SCN1A: variants seen among roughly 807,000 people sequenced by gnomAD.
SCN1A encodes the protein sodium channel protein type 1 subunit alpha.
SCN1A carries 13 observed loss-of-function variants against 193.7 expected under a neutral mutation model. The ratio of observed to expected loss-of-function variants is 0.07; its 90% CI spans 0.04 to 0.11. The LOEUF is 0.11. Ranked by LOEUF, SCN1A falls within the 10% of genes least tolerant of loss-of-function variation. SCN1A has a pLI of 1.00. For synonymous variants in SCN1A, 781 were observed against 843.6 expected, an observed-to-expected ratio of 0.93 and a Z score of 1.29; for missense variants, 1,432 against 2,451.1, an observed-to-expected ratio of 0.58 and a Z score of 8.78.
intron 1 of SCN1A, among the ~76,000 whole-genome samples, chr2:166,144,857 T>G (rs1574654966): frequency 6.6e-6 from 1 of 151,430 alleles, no homozygotes; most frequent in Non-Finnish European, 1.5e-5. Context: ...ATCATGGTTT[T>G]TTTTTTTTTT....
intron 2 of SCN1A, among the ~76,000 whole-genome samples, chr2:166,125,461 C>A (rs1157933051): frequency 1.3e-5 from 2 of 152,192 alleles, no homozygotes; most frequent in East Asian, 1.9e-4. Flanking sequence ...CCGACATAAA[C>A]CCTTGAGAAA....
At chr2:166,128,916 A>G (rs1691514890), upstream of SCN1A, among the ~76,000 whole-genome samples, 2 of 152,154 alleles carry the variant, frequency 1.3e-5, no homozygotes, top group Admixed American at 6.5e-5. Context: ...TATATATTGT[A>G]TTCTAAAATG....
At chr2:166,102,907 G>A (rs967311308) in intron 2 of SCN1A, among the ~76,000 whole-genome samples, 2 of 152,068 alleles carry the variant, frequency 1.3e-5, no homozygotes, top group Non-Finnish European at 2.9e-5. Context: ...AGCAACATGG[G>A]TGCTTCAGAG....
chr2:165,989,028 CTGTGTGTGTGTGTGTGTG>C lies in SCN1A; in HGVS notation c.*2199_*2216del, dbSNP rs140461403. 1 of 103,860 alleles carries C rather than the reference CTGTGTGTGTGTGTGTGTG, an allele frequency of 9.6e-6. No individual in the cohort carries two copies. Among genetic ancestry groups the C allele is most frequent in the Non-Finnish European group, 2.2e-5 (1 of 46,502 alleles). 6.4% of individuals were successfully genotyped at this position (103,860 alleles called of 1,614,324 possible). On this transcript the variant is annotated 3_prime_UTR_variant, in exon 29 of 29. Transcript: ENST00000674923. Reference sequence around the variant, plus strand: ...TTTTGTTGTCAACGTGGGTATGCCTCTGTGTGTGTGTGTGTGTGTGTGTGTGTGTGTGTGTGTGTGCGC... The same window carrying C: ...TTTTGTTGTCAACGTGGGTATGCCTCTGTGTGTGTGTGTGTGTGTGTGCGC...
At chr2:166,123,382 A>C (rs1690848177) in intron 2 of SCN1A, 1 of 152,018 alleles carries the variant, frequency 6.6e-6, no homozygotes. Context: ...TCATTTCTGG[A>C]GGAAGAAAAA....
intron 10 of SCN1A, 133 bp downstream of exon 10, chr2:166,048,753 C>G (rs932802917): frequency 1.8e-5 from 12 of 675,920 alleles, no homozygotes; most frequent in Non-Finnish European, 3.2e-5. Flanking sequence ...TTATCAAAAA[C>G]CTTACATATA....
At chr2:166,044,355 T>G (rs929411033) in intron 13 of SCN1A, among the ~76,000 whole-genome samples, 1 of 151,988 alleles carries the variant, frequency 6.6e-6, no homozygotes, top group African/African-American at 2.4e-5. Context: ...AAGGGAAACA[T>G]CCTTAGAATA....
intron 2 of SCN1A, among the ~76,000 whole-genome samples, chr2:166,111,762 A>G (rs751038387): frequency 6.6e-6 from 1 of 152,142 alleles, no homozygotes; most frequent in Non-Finnish European, 1.5e-5. Flanking sequence ...AAATATCCAT[A>G]TGAACAGGAG....
rs1207176103 is a variant in SCN1A, at chr2:165,986,658, T to C, written c.*4587A>G. The C allele has an allele frequency of 1.4e-5, 2 of 145,618 alleles. No individual in the cohort carries two copies. Among genetic ancestry groups the C allele is most frequent in the Non-Finnish European group, 3.0e-5 (2 of 67,104 alleles). The allele number at this position is 145,618 out of a possible 1,614,324, so 9.0% of individuals were successfully genotyped here. Reference sequence around the variant, plus strand: ...GTCCAGGGCATACAAAATATGATAGTGTGAACACGCAGACATAGGCACTTC... The same window carrying C: ...GTCCAGGGCATACAAAATATGATAGCGTGAACACGCAGACATAGGCACTTC... On this transcript the variant is annotated 3_prime_UTR_variant, in exon 29 of 29. Transcript: ENST00000674923.
chr2:166,120,198 T>C (rs1369933887), intron 2 of SCN1A, among the ~76,000 whole-genome samples: 2 of 151,780 alleles, frequency 1.3e-5, no homozygotes, highest in Non-Finnish European at 2.9e-5. Flanking sequence ...TCCTTTTTTA[T>C]GTACTTTATG....
At position 165,989,712 on chromosome 2, in the gene SCN1A, A is replaced by G. The variant is rs540655976; in HGVS notation, c.*1533T>C. On this transcript the variant is annotated 3_prime_UTR_variant, in exon 29 of 29. Coordinates refer to ENST00000674923, the MANE Select transcript of SCN1A (RefSeq NM_001165963.4). ...CAAATTTCTTTCATGAAAAAGTACTATGGACAGAAAGTAAGAAAAGTGATT... is the reference window on the plus strand; with the variant it reads ...CAAATTTCTTTCATGAAAAAGTACTGTGGACAGAAAGTAAGAAAAGTGATT... 1 of 152,728 alleles carries G rather than the reference A, an allele frequency of 6.5e-6. No homozygotes were observed. The highest frequency in any genetic ancestry group is 1.5e-5 in the Non-Finnish European group (1 of 68,014). 9.5% of individuals were successfully genotyped at this position (152,728 alleles called of 1,614,324 possible). A position where few individuals can be genotyped will look rare whatever the true frequency, so the allele number is the denominator to read the frequency against.
rs572366970 is a variant in SCN1A at position 166,045,196 on chromosome 2, T to C, written c.1509A>G (p.Lys503=). Residue 503 remains lysine, a synonymous_variant, in exon 13 of 29, where the codon AAA becomes AAG. Transcript: ENST00000674923. ...CACCAGACTGCTCTTTCTGTTTTCTTTTCTTCCTCCGATTTCTTCTTTCCT... is the reference window on the plus strand; with the variant it reads ...CACCAGACTGCTCTTTCTGTTTTCTCTTCTTCCTCCGATTTCTTCTTTCCT... ...SAKERRNRRK[K]RKQKEQSGGE... The C allele has an allele frequency of 1.9e-6, 3 of 1,614,168 alleles. No individual in the cohort carries two copies. The highest frequency in any genetic ancestry group is 2.7e-5 in the African/African-American group (2 of 75,042).
chr2:166,042,438 T>C lies in SCN1A; in HGVS notation c.2044-14A>G, dbSNP rs537722606. 4 of 1,611,076 alleles carry C rather than the reference T, an allele frequency of 2.5e-6. No homozygotes were observed. Among genetic ancestry groups the C allele is most frequent in the Non-Finnish European group, 3.4e-6 (4 of 1,177,674 alleles). ...AGTGGTTGTTCCCTGTAAAAAAAAA[T>C]GCTAATGCATTAAACAATTAATTTG... On this transcript the variant is annotated splice_polypyrimidine_tract_variant and intron_variant, in intron 14 of 28. Coordinates refer to ENST00000674923, the MANE Select transcript of SCN1A (RefSeq NM_001165963.4).
chr2:166,145,990 G>A (rs556084997), intron 1 of SCN1A, among the ~76,000 whole-genome samples: 7 of 152,218 alleles, frequency 4.6e-5, no homozygotes, highest in African/African-American at 1.4e-4. Flanking sequence ...GGGGAAGGGA[G>A]AAAATGCGGG....
intron 1 of SCN1A, among the ~76,000 whole-genome samples, chr2:166,144,320 T>C (rs548677703): frequency 6.6e-6 from 1 of 152,292 alleles, no homozygotes; most frequent in South Asian, 2.1e-4. Context: ...AACAGAGAAG[T>C]TGGCTGGGTC....
chr2:166,094,114 G>C (rs992627259), intron 2 of SCN1A, among the ~76,000 whole-genome samples: 11 of 152,030 alleles, frequency 7.2e-5, no homozygotes, highest in African/African-American at 2.7e-4. Context: ...TACCAAGTTG[G>C]GATACCAGAG....
chr2:166,023,735 T>A (rs1224979502), intron 19 of SCN1A, among the ~76,000 whole-genome samples: 2 of 151,364 alleles, frequency 1.3e-5, no homozygotes, highest in African/African-American at 4.9e-5. Flanking sequence ...CTGGTCAACA[T>A]AGTGAGATCC....
intron 24 of SCN1A, chr2:165,999,980 T>A (rs932065071): frequency 1.7e-6 from 1 of 594,882 alleles, no homozygotes; most frequent in Non-Finnish European, 3.0e-6. Flanking sequence ...AATGGCCATT[T>A]GATATATCCT....
intron 14 of SCN1A, 134 bp from the exon 15 acceptor site, chr2:166,042,558 A>C: frequency 1.2e-6 from 1 of 817,198 alleles, no homozygotes; most frequent in South Asian, 1.5e-5. Context: ...GATGGCAGAT[A>C]TTTCTGACTT....
Sources: gnomAD v4.1 joint callset for allele counts (sites outside exome capture counted in the v4.1 genomes callset) on GRCh38, gnomAD v4.1.1 for gene constraint, MANE v1.5 for transcripts, NCBI Gene and HGNC (gene_info 2026-07-23, HGNC 2026-07-21) for gene names.